The following KIAA1328 variants were observed in gnomAD, a reference collection of about 807,000 sequenced individuals.
KIAA1328 encodes KIAA1328, also known as protein hinderin.
In KIAA1328, 52 loss-of-function variants were observed where a neutral mutation model predicts 68.1. The observed-to-expected ratio is 0.76, with a 90% CI of 0.61 to 0.96. The LOEUF (loss-of-function observed/expected upper bound fraction) is 0.96. Ranked by LOEUF, KIAA1328 falls within the 40% of genes least tolerant of loss-of-function variation. The pLI is 0.00. For missense variants in KIAA1328, 641 were observed against 677.6 expected (o/e 0.95, Z 0.60); for synonymous variants, 232 against 239.4 (o/e 0.97, Z 0.28).
intron 6 of KIAA1328, among the ~76,000 whole-genome samples, chr18:37,019,171 C>G (rs1005462336): frequency 6.6e-6 from 1 of 151,946 alleles, no homozygotes; most frequent in African/African-American, 2.4e-5. Context: ...CTCCCCACCC[C>G]CCTCCGAGTG....
intron 7 of KIAA1328, among the ~76,000 whole-genome samples, chr18:37,135,841 C>A (rs1418282785): frequency 6.6e-6 from 1 of 152,140 alleles, no homozygotes; most frequent in Non-Finnish European, 1.5e-5. Context: ...TTTCTTCCAT[C>A]CGTCTTGAGT....
chr18:37,149,000 AC>A (rs1357909577), intron 7 of KIAA1328, among the ~76,000 whole-genome samples: 1 of 152,108 alleles, frequency 6.6e-6, no homozygotes, highest in Non-Finnish European at 1.5e-5. Flanking sequence ...TGGTCATACT[AC>A]CCAAAGTAAT....
At chr18:37,133,116 T>G (rs2058560636) in intron 7 of KIAA1328, among the ~76,000 whole-genome samples, 1 of 151,944 alleles carries the variant, frequency 6.6e-6, no homozygotes, top group Non-Finnish European at 1.5e-5. Context: ...GGGTGGATCA[T>G]GAGGTCAGGA....
chr18:37,155,010 C>T (rs2059123798), intron 7 of KIAA1328, among the ~76,000 whole-genome samples: 1 of 152,188 alleles, frequency 6.6e-6, no homozygotes, highest in Admixed American at 6.5e-5. Context: ...AGCTCTCACA[C>T]TGCTTTCTCT....
At chr18:36,901,663 T>C (rs1302539370) in intron 5 of KIAA1328, among the ~76,000 whole-genome samples, 1 of 152,028 alleles carries the variant, frequency 6.6e-6, no homozygotes, top group Non-Finnish European at 1.5e-5. Flanking sequence ...GGACCTGCAG[T>C]GCTATAGCTG....
In KIAA1328 at chr18:37,222,453, C is replaced by A. The variant is rs970053216; in HGVS notation, c.*226C>A. On this transcript the variant is annotated 3_prime_UTR_variant, in exon 10 of 10. Transcript: ENST00000280020. ...AGGGGGTAGGAATGGAAGATGGTAT[C>A]TTTTATATGCTAAACAGATTAGAAA... The A allele has an allele frequency of 2.9e-6, 4 of 1,378,404 alleles. No homozygotes were observed. The African/African-American group carries it at 5.8e-5, about 20-fold the overall frequency. The allele number at this position is 1,378,404 out of a possible 1,614,324, so 85.4% of individuals were successfully genotyped here. A position where few individuals can be genotyped will look rare whatever the true frequency, so the allele number is the denominator to read the frequency against.
At chr18:36,986,304 A>G (rs2052921349) in intron 6 of KIAA1328, among the ~76,000 whole-genome samples, 1 of 152,210 alleles carries the variant, frequency 6.6e-6, no homozygotes, top group Admixed American at 6.5e-5. Context: ...GTGAATGTCA[A>G]AATAATTCAG....
chr18:36,867,499 A>G (rs1000303770), intron 4 of KIAA1328, among the ~76,000 whole-genome samples: 1 of 152,252 alleles, frequency 6.6e-6, no homozygotes, highest in African/African-American at 2.4e-5. Context: ...GGCCTAATAC[A>G]GCATGTTTTT....
At chr18:37,209,586 G>A (rs1243928279) in intron 9 of KIAA1328, among the ~76,000 whole-genome samples, 1 of 152,138 alleles carries the variant, frequency 6.6e-6, no homozygotes, top group African/African-American at 2.4e-5. Context: ...CTTTGAGGAG[G>A]TGACATTTAA....
At chr18:37,010,779 G>C (rs2053952832) in intron 6 of KIAA1328, among the ~76,000 whole-genome samples, 1 of 152,124 alleles carries the variant, frequency 6.6e-6, no homozygotes, top group South Asian at 2.1e-4. Flanking sequence ...TGATTAAAAT[G>C]ATACTGTCAT....
chr18:36,912,786 G>A (rs577883419), intron 5 of KIAA1328, among the ~76,000 whole-genome samples: 1 of 152,310 alleles, frequency 6.6e-6, no homozygotes, highest in Admixed American at 6.5e-5. Flanking sequence ...TTAGGCATGG[G>A]TGAGAGTCTG....
intron 6 of KIAA1328, among the ~76,000 whole-genome samples, chr18:37,020,127 T>G (rs186973908): frequency 2.0e-4 from 31 of 152,166 alleles, no homozygotes; most frequent in Non-Finnish European, 4.1e-4. Context: ...TATTTCTTTT[T>G]TTTTTCTTTT....
intron 7 of KIAA1328, among the ~76,000 whole-genome samples, chr18:37,091,885 A>G (rs948719752): frequency 2.0e-5 from 3 of 152,180 alleles, no homozygotes; most frequent in Non-Finnish European, 2.9e-5. Context: ...CGCTCCCCAT[A>G]GCCTGAGAGC....
chr18:37,173,296 G>A (rs996194676), intron 9 of KIAA1328, among the ~76,000 whole-genome samples: 1 of 152,080 alleles, frequency 6.6e-6, no homozygotes, highest in Non-Finnish European at 1.5e-5. Context: ...GTAATGTAAG[G>A]GCTTCCATAG....
intron 4 of KIAA1328, among the ~76,000 whole-genome samples, chr18:36,845,364 T>C (rs1390130487): frequency 1.3e-5 from 2 of 151,788 alleles, no homozygotes; most frequent in Admixed American, 1.3e-4. Context: ...TGTGAGGCTA[T>C]TACTACATAA....
chr18:37,200,055 T>G (rs2060079310), intron 9 of KIAA1328, among the ~76,000 whole-genome samples: 1 of 152,218 alleles, frequency 6.6e-6, no homozygotes, highest in Non-Finnish European at 1.5e-5. Context: ...GGCTATCCTG[T>G]TCACCAGTTT....
intron 7 of KIAA1328, among the ~76,000 whole-genome samples, chr18:37,151,816 G>A (rs1452836357): frequency 6.6e-6 from 1 of 152,146 alleles, no homozygotes; most frequent in Non-Finnish European, 1.5e-5. Context: ...TATGAGAAGG[G>A]CATCCATAGA....
In KIAA1328 at chr18:36,835,266, C is replaced by T. The variant is rs1179023733; in HGVS notation, c.127C>T (p.His43Tyr). The change falls in exon 3 of 10, where the codon CAC (histidine) becomes TAC (tyrosine). Residue 43 changes from histidine (H) to tyrosine (Y), a missense_variant. Coordinates refer to ENST00000280020, the MANE Select transcript of KIAA1328 (RefSeq NM_020776.3). ...ISAEGNVRSR[H>Y]KLMSPKADVK... is the part of the protein sequence containing the mutation. ...TGCTGAAGGAAATGTCAGATCAAGACACAAGCTGATGAGTCCAAAAGCTGA... is the reference window on the plus strand; with the variant it reads ...TGCTGAAGGAAATGTCAGATCAAGATACAAGCTGATGAGTCCAAAAGCTGA... The T allele has an allele frequency of 1.2e-6, 2 of 1,613,038 alleles. No individual in the cohort carries two copies. The highest frequency in any genetic ancestry group is 2.7e-5 in the African/African-American group (2 of 74,860).
intron 5 of KIAA1328, among the ~76,000 whole-genome samples, chr18:36,943,191 G>A (rs1458460110): frequency 6.6e-6 from 1 of 152,158 alleles, no homozygotes; most frequent in Non-Finnish European, 1.5e-5. Context: ...TTGCTATAAT[G>A]ATTGCTGTAA....
Sources: gnomAD v4.1 joint callset for allele counts (sites outside exome capture counted in the v4.1 genomes callset) on GRCh38, gnomAD v4.1.1 for gene constraint, MANE v1.5 for transcripts, NCBI Gene and HGNC (gene_info 2026-07-23, HGNC 2026-07-21) for gene names.